Variants in ANK3 observed in about 807,000 individuals in gnomAD.
The protein encoded by ANK3 is ankyrin-3.
ANK3 carries 57 observed loss-of-function variants against 370.9 expected under a neutral mutation model. The ratio of observed to expected loss-of-function variants is 0.15; its 90% CI spans 0.12 to 0.19. The LOEUF is 0.19. Among genes scored for constraint, ANK3 ranks in the 10% least tolerant of loss-of-function variants. The pLI is 1.00. For missense variants in ANK3, 4,439 were observed against 5,302.1 expected (o/e 0.84, Z 5.06); for synonymous variants, 1,929 against 1,946.3 (o/e 0.99, Z 0.23).
chr10:60,396,879 C>T (rs979255938), intron 2 of ANK3, among the ~76,000 whole-genome samples: 1 of 152,146 alleles, frequency 6.6e-6, no homozygotes, highest in Non-Finnish European at 1.5e-5. Context: ...TCTTAACTCT[C>T]CCAACATACA....
chr10:60,158,631 A>G (rs1053829833), intron 23 of ANK3, among the ~76,000 whole-genome samples: 2 of 152,110 alleles, frequency 1.3e-5, no homozygotes, highest in African/African-American at 4.8e-5. Flanking sequence ...TAATAGATAT[A>G]CAAAATATTA....
chr10:60,683,935 G>T (rs1211772268), intron 1 of ANK3, among the ~76,000 whole-genome samples: 1 of 152,158 alleles, frequency 6.6e-6, no homozygotes, highest in African/African-American at 2.4e-5. Context: ...AGAAAGGTAG[G>T]TTTACTTCAG....
intron 1 of ANK3, among the ~76,000 whole-genome samples, chr10:60,659,566 A>G (rs1008232235): frequency 6.6e-6 from 1 of 152,142 alleles, no homozygotes; most frequent in Admixed American, 6.6e-5. Flanking sequence ...TCAAAGATAC[A>G]TAATTGTTAT....
Position 60,196,241 on chromosome 10 carries a change from G to T in ANK3, c.1791C>A (p.Ser597Arg). ...CAGCTACATGCAGTGGTGTTAGCCCGCTCTGAAAACACGTGCAGAAACAAC... is the reference window on the plus strand; with the variant it reads ...CAGCTACATGCAGTGGTGTTAGCCCTCTCTGAAAACACGTGCAGAAACAAC... ...KSASPDAAGK[S>R]GLTPLHVAAH... The change falls in exon 16 of 44, where the codon AGC (serine) becomes AGA (arginine). Residue 597 changes from serine to arginine, a missense_variant and splice_region_variant. Ser to Arg is a moderately radical substitution (Grantham distance 110). Transcript: ENST00000280772. The T allele has an allele frequency of 1.2e-6, 2 of 1,613,546 alleles. No individual in the cohort carries two copies. Among genetic ancestry groups the T allele is most frequent in the Non-Finnish European group, 1.7e-6 (2 of 1,179,706 alleles).
At chr10:60,600,015 C>A (rs1304473100) in intron 2 of ANK3, among the ~76,000 whole-genome samples, 1 of 152,122 alleles carries the variant, frequency 6.6e-6, no homozygotes, top group Non-Finnish European at 1.5e-5. Context: ...TTCTTTTACT[C>A]CCTTCCGTCC....
intron 2 of ANK3, among the ~76,000 whole-genome samples, chr10:60,518,536 G>T (rs947609204): frequency 2.0e-5 from 3 of 152,018 alleles, no homozygotes; most frequent in African/African-American, 7.3e-5. Flanking sequence ...ATCTCTAAGA[G>T]CCCTGAGAAT....
At chr10:60,131,567 C>A (rs2094071122) in intron 25 of ANK3, among the ~76,000 whole-genome samples, 1 of 152,176 alleles carries the variant, frequency 6.6e-6, no homozygotes, top group African/African-American at 2.4e-5. Flanking sequence ...CAAAACTTCT[C>A]TTTGTCTTCT....
At chr10:60,487,278 T>C (rs1249992422) in intron 2 of ANK3, among the ~76,000 whole-genome samples, 1 of 151,932 alleles carries the variant, frequency 6.6e-6, no homozygotes, top group African/African-American at 2.4e-5. Flanking sequence ...GAACAGGGAG[T>C]GGTATGAAGG....
At chr10:60,330,993 AT>A (rs2051117732) in intron 1 of ANK3, among the ~76,000 whole-genome samples, 1 of 152,156 alleles carries the variant, frequency 6.6e-6, no homozygotes, top group South Asian at 2.1e-4. Context: ...GGAAATCATT[AT>A]TCTCAGCAAA....
At chr10:60,657,929 C>T (rs915821739) in intron 1 of ANK3, among the ~76,000 whole-genome samples, 24 of 151,650 alleles carry the variant, frequency 1.6e-4, no homozygotes, top group African/African-American at 5.8e-4. Flanking sequence ...ATAAATGTTA[C>T]ATCTTCTTAT....
intron 1 of ANK3, among the ~76,000 whole-genome samples, chr10:60,721,473 AC>A (rs1200701453): frequency 6.6e-6 from 1 of 152,186 alleles, no homozygotes; most frequent in East Asian, 1.9e-4. Context: ...ATTCTGTACA[AC>A]CCCCTAAGAC....
intron 1 of ANK3, among the ~76,000 whole-genome samples, chr10:60,624,246 C>T (rs1358081910): frequency 6.6e-6 from 1 of 152,108 alleles, no homozygotes; most frequent in Non-Finnish European, 1.5e-5. Flanking sequence ...AAAAACTACT[C>T]ATCACTGCAA....
At chr10:60,596,817 A>G (rs910388963) in intron 2 of ANK3, among the ~76,000 whole-genome samples, 1 of 152,182 alleles carries the variant, frequency 6.6e-6, no homozygotes, top group African/African-American at 2.4e-5. Flanking sequence ...TAGGATTCCC[A>G]TCACTAATGT....
intron 1 of ANK3, among the ~76,000 whole-genome samples, chr10:60,351,496 C>T (rs1437686761): frequency 1.3e-5 from 2 of 152,166 alleles, no homozygotes; most frequent in East Asian, 3.8e-4. Flanking sequence ...ACAGACTGCT[C>T]CATCCCAGGG....
At chr10:60,710,353 A>G (rs6479726) in intron 1 of ANK3, among the ~76,000 whole-genome samples, 98,830 of 151,896 alleles carry the variant, frequency 0.65, 32,231 homozygotes, top group South Asian at 0.81. Flanking sequence ...TTAATACTGC[A>G]TCTTTACAGT....
At chr10:60,318,759 T>C (rs996474870) in intron 1 of ANK3, among the ~76,000 whole-genome samples, 2 of 152,190 alleles carry the variant, frequency 1.3e-5, no homozygotes, top group African/African-American at 4.8e-5. Context: ...CATTATCTCT[T>C]TTTTTAAATC....
intron 2 of ANK3, among the ~76,000 whole-genome samples, chr10:60,611,988 T>C (rs1595349013): frequency 6.6e-6 from 1 of 152,120 alleles, no homozygotes; most frequent in South Asian, 2.1e-4. Context: ...CAATTCAGAA[T>C]TCATCCAAAC....
At chr10:60,138,589 C>G (rs2094446867) in intron 24 of ANK3, 1 of 435,640 alleles carries the variant, frequency 2.3e-6, no homozygotes, top group South Asian at 7.3e-5. Flanking sequence ...ACAATCTATA[C>G]ACATATTTCT....
intron 28 of ANK3, among the ~76,000 whole-genome samples, chr10:60,095,257 C>T (rs1300193704): frequency 6.6e-6 from 1 of 152,208 alleles, no homozygotes; most frequent in Non-Finnish European, 1.5e-5. Context: ...CAAGCATCTA[C>T]CAAAGAAATC....
Sources: gnomAD v4.1 joint callset for allele counts (sites outside exome capture counted in the v4.1 genomes callset) on GRCh38, gnomAD v4.1.1 for gene constraint, MANE v1.5 for transcripts, NCBI Gene and HGNC (gene_info 2026-07-23, HGNC 2026-07-21) for gene names.